Variants in SHANK2 observed in about 807,000 individuals in gnomAD.
SHANK2 encodes the protein SH3 and multiple ankyrin repeat domains 2, also known as SH3 and multiple ankyrin repeat domains protein 2.
A neutral mutation model predicts 133.7 loss-of-function variants in SHANK2; 43 were observed. The ratio of observed to expected loss-of-function variants is 0.32; its 90% CI spans 0.25 to 0.41. The LOEUF (loss-of-function observed/expected upper bound fraction) is 0.41. Among genes scored for constraint, SHANK2 ranks in the 10% least tolerant of loss-of-function variants. The probability of loss-of-function intolerance (pLI) is 1.00; values close to 1 mark genes in which losing one functional copy is unlikely to be tolerated. For missense variants in SHANK2, 1,994 were observed against 2,235.8 expected (o/e 0.89, Z 2.18); for synonymous variants, 1,017 against 952.8 (o/e 1.07, Z -1.24).
chr11:70,867,485 C>T (rs1301847303), intron 11 of SHANK2, among the ~76,000 whole-genome samples: 1 of 152,120 alleles, frequency 6.6e-6, no homozygotes, highest in East Asian at 1.9e-4. Context: ...CGCATGAGGG[C>T]TGAGGGGTGG....
At chr11:71,093,545 G>C (rs1951554910) in intron 7 of SHANK2, among the ~76,000 whole-genome samples, 1 of 152,024 alleles carries the variant, frequency 6.6e-6, no homozygotes, top group Non-Finnish European at 1.5e-5. Flanking sequence ...GTGCTCATGA[G>C]ATCTACTGTT....
intron 9 of SHANK2, among the ~76,000 whole-genome samples, chr11:71,072,416 C>T (rs1180381174): frequency 6.6e-6 from 1 of 152,212 alleles, no homozygotes; most frequent in African/African-American, 2.4e-5. Flanking sequence ...GGGCTCACAT[C>T]CCAGAAGCCT....
chr11:70,565,939 A>C (rs927934933), intron 17 of SHANK2, among the ~76,000 whole-genome samples: 7 of 152,156 alleles, frequency 4.6e-5, no homozygotes, highest in African/African-American at 1.7e-4. Context: ...GCTGCCGATA[A>C]AGATATACCT....
rs149171561 is a variant in SHANK2, at chr11:70,870,716, C to T, written c.1174+25785G>A. 1.6e-3 allele frequency among the ~76,000 whole-genome samples: 239 copies of T among 152,310 alleles called. 5 individuals are homozygous for T. In the South Asian group the frequency reaches 0.044, roughly 28 times the overall value. On this transcript the variant is annotated intron_variant, in intron 11 of 25. Transcript: ENST00000601538. ...ACAGAAGCATCACCCAGAGCTCTGCCTTCATCTTTGTGTGAGGTTTGCTCC... is the reference window on the plus strand; with the variant it reads ...ACAGAAGCATCACCCAGAGCTCTGCTTTCATCTTTGTGTGAGGTTTGCTCC...
At position 70,720,142 on chromosome 11, in the gene SHANK2, C is replaced by T. The variant is rs781807879; in HGVS notation, c.1778-21379G>A. 5.9e-5 allele frequency among the ~76,000 whole-genome samples: 9 copies of T among 152,192 alleles called. No individual in the cohort carries two copies. In the South Asian group the frequency reaches 8.3e-4, roughly 14 times the overall value. On this transcript the variant is annotated intron_variant, in intron 14 of 25. Coordinates refer to ENST00000601538, the MANE Select transcript of SHANK2 (RefSeq NM_012309.5). ...CTCCATGAGGGCAGGGTCCACGTTG[C>T]CCCTGGACACAGCTGCACCCCCAGG...
chr11:70,528,174 T>C (rs1311902470), intron 17 of SHANK2, among the ~76,000 whole-genome samples: 1 of 152,178 alleles, frequency 6.6e-6, no homozygotes, highest in East Asian at 1.9e-4. Flanking sequence ...CAGCTGAGGA[T>C]CTGGCAGGCC....
intron 14 of SHANK2, among the ~76,000 whole-genome samples, chr11:70,753,314 C>T (rs192030811): frequency 2.0e-5 from 3 of 151,932 alleles, no homozygotes; most frequent in African/African-American, 4.8e-5. Flanking sequence ...TTAAAAATAC[C>T]ATCAAAAGGA....
intron 17 of SHANK2, among the ~76,000 whole-genome samples, chr11:70,644,172 T>C (rs1176173788): frequency 6.6e-6 from 1 of 152,198 alleles, no homozygotes; most frequent in Non-Finnish European, 1.5e-5. Flanking sequence ...AAAAATGTAG[T>C]AGAAGACACA....
At chr11:70,742,867 A>G (rs996572188) in intron 14 of SHANK2, among the ~76,000 whole-genome samples, 30 of 151,896 alleles carry the variant, frequency 2.0e-4, no homozygotes, top group Non-Finnish European at 5.9e-5. Flanking sequence ...AAGGAAATGG[A>G]AAGAAAGTTT....
Position 70,486,572 on chromosome 11 carries a change from C to T in SHANK2, c.3721G>A (p.Ala1241Thr). Residue 1241 changes from alanine (A) to threonine (T), a missense_variant, in exon 25 of 26, where the codon GCC becomes ACC. Physicochemically the swap from Ala to Thr is moderately conservative, Grantham distance 58. Around this residue, in one of 5 missense-constraint regions of SHANK2, gnomAD observed 797 missense variants for 907.4 expected, o/e 0.88. Coordinates refer to ENST00000601538, the MANE Select transcript of SHANK2 (RefSeq NM_012309.5). The surrounding 1 kb of genome is among the most constrained non-coding windows in gnomAD (Gnocchi z 8.0). ...QQGPKGEAPK[A>T]DLNKPLYIDT... ...ATGTAAAGAGGTTTGTTGAGGTCGG[C>T]CTTGGGGGCCTCCCCTTTGGGTCCC... 1 of 1,614,038 alleles carries T rather than the reference C, an allele frequency of 6.2e-7. No individual in the cohort carries two copies. Among genetic ancestry groups the T allele is most frequent in the Non-Finnish European group, 8.5e-7 (1 of 1,180,036 alleles).
intron 10 of SHANK2, among the ~76,000 whole-genome samples, chr11:70,932,294 A>G (rs1222164666): frequency 6.6e-6 from 1 of 152,210 alleles, no homozygotes; most frequent in Non-Finnish European, 1.5e-5. Context: ...AGATGCACTC[A>G]TTTTTATCTT....
chr11:70,730,001 G>A (rs930481919), intron 14 of SHANK2, among the ~76,000 whole-genome samples: 11 of 151,252 alleles, frequency 7.3e-5, no homozygotes, highest in East Asian at 1.9e-4. Flanking sequence ...AAGCAAAACC[G>A]CCTCTCCCTG....
At chr11:70,731,133 G>T in intron 14 of SHANK2, among the ~76,000 whole-genome samples, 1 of 152,156 alleles carries the variant, frequency 6.6e-6, no homozygotes, top group East Asian at 1.9e-4. Flanking sequence ...TAAAGGTGGG[G>T]TCCTGATCCT....
At chr11:70,550,974 G>A (rs1554977809) in intron 17 of SHANK2, among the ~76,000 whole-genome samples, 1 of 152,166 alleles carries the variant, frequency 6.6e-6, no homozygotes, top group East Asian at 1.9e-4. Context: ...AGTGGTAAAC[G>A]CTCTCCAGGA....
rs1555153243 is a variant in SHANK2, at chr11:70,486,082, T to C, written c.4211A>G (p.Asp1404Gly). 6.2e-7 allele frequency: 1 copy of C among 1,613,866 alleles called. No individual in the cohort carries two copies. The highest frequency in any genetic ancestry group is 1.1e-5 in the South Asian group (1 of 91,058). The stretch of plus-strand genomic sequence containing the variant: ...AGGCAATGGCTCTGTAAAAATAAAA[T>C]CCTCATCCAAGTCCACGGATGCCAG... ...PPLASVDLDE[D>G]FIFTEPLPPP... The change falls in exon 25 of 26, where the codon GAT becomes GGT. Residue 1404 changes from aspartate (D) to glycine (G), a missense_variant. Physicochemically the swap from Asp to Gly is moderately conservative, Grantham distance 94. Transcript: ENST00000601538. This position sits in a 1 kb window ranked among gnomAD's most constrained non-coding sequence, Gnocchi z 8.0.
intron 17 of SHANK2, among the ~76,000 whole-genome samples, chr11:70,609,548 C>G (rs557886433): frequency 5.3e-4 from 81 of 152,298 alleles, no homozygotes; most frequent in Non-Finnish European, 1.3e-4. Context: ...GCGGTGGAAA[C>G]AGCCCCAACG....
chr11:70,569,994 G>A lies in SHANK2; in HGVS notation c.2062-67063C>T, dbSNP rs2060025365. Among the ~76,000 whole-genome samples the A allele has an allele frequency of 6.6e-6, 1 of 151,816 alleles. No individual in the cohort carries two copies. The highest frequency in any genetic ancestry group is 2.1e-4 in the South Asian group (1 of 4,808). On this transcript the variant is annotated intron_variant, in intron 17 of 25. Coordinates refer to ENST00000601538, the MANE Select transcript of SHANK2 (RefSeq NM_012309.5). The surrounding 1 kb of genome is among the most constrained non-coding windows in gnomAD (Gnocchi z 5.1). Reference sequence around the variant, plus strand: ...AGAGACAGGCCCCCAGCACCATTGTGGACTCCTGCCTCCAGCTGTTGAGTC... The same window carrying A: ...AGAGACAGGCCCCCAGCACCATTGTAGACTCCTGCCTCCAGCTGTTGAGTC...
chr11:70,898,366 G>GA (rs1344792491), intron 10 of SHANK2, among the ~76,000 whole-genome samples: 1 of 151,460 alleles, frequency 6.6e-6, no homozygotes, highest in Non-Finnish European at 1.5e-5. Context: ...TGGTGTTGGT[G>GA]AAAAAAACCA....
At chr11:70,923,028 C>A (rs1950372736) in intron 10 of SHANK2, among the ~76,000 whole-genome samples, 1 of 152,084 alleles carries the variant, frequency 6.6e-6, no homozygotes, top group Middle Eastern at 3.2e-3. Context: ...TACTATAAAT[C>A]TACAACACAG....
Sources: allele counts gnomAD v4.1 joint callset (sites outside exome capture counted in the v4.1 genomes callset), GRCh38; gene constraint gnomAD v4.1.1; regional missense constraint gnomAD v4.1.1; non-coding constraint Gnocchi (gnomAD v3.1); transcripts MANE v1.5; gene names NCBI Gene and HGNC (gene_info 2026-07-23, HGNC 2026-07-21).